DTNA: variants seen among roughly 807,000 people sequenced by gnomAD.
DTNA encodes dystrobrevin alpha, also known as dystrophin-related protein 3.
A neutral mutation model predicts 100.7 loss-of-function variants in DTNA; 43 were observed. The observed-to-expected ratio is 0.43, with a 90% CI of 0.33 to 0.55. The LOEUF (loss-of-function observed/expected upper bound fraction) is 0.55. Ranked by LOEUF, DTNA falls within the 20% of genes least tolerant of loss-of-function variation. The pLI, the probability that DTNA is intolerant of heterozygous loss-of-function variation, is 0.04. For synonymous variants in DTNA, 349 were observed against 347.9 expected (o/e 1.00, Z -0.04); for missense variants, 798 against 953.9 (o/e 0.84, Z 2.15).
chr18:34,766,521 T>C (rs940954756), intron 3 of DTNA, among the ~76,000 whole-genome samples: 1 of 151,502 alleles, frequency 6.6e-6, no homozygotes, highest in Non-Finnish European at 1.5e-5. Flanking sequence ...CGGGGCCTGT[T>C]GTGGTGTGGG....
At chr18:34,551,320 A>G (rs530701316) in intron 1 of DTNA, among the ~76,000 whole-genome samples, 2 of 152,200 alleles carry the variant, frequency 1.3e-5, no homozygotes, top group African/African-American at 2.4e-5. Context: ...CCTCCAAACT[A>G]TATCCCACAG....
chr18:34,836,195 G>A (rs1057416802), intron 11 of DTNA, among the ~76,000 whole-genome samples: 4 of 152,146 alleles, frequency 2.6e-5, no homozygotes, highest in African/African-American at 9.7e-5. Context: ...AACAGTTTTG[G>A]TGGTATAATG....
intron 1 of DTNA, among the ~76,000 whole-genome samples, chr18:34,730,429 G>A (rs558987540): frequency 1.3e-5 from 2 of 152,346 alleles, no homozygotes; most frequent in South Asian, 2.1e-4. Context: ...TCTCTGGTTA[G>A]TCTGGAGCTA....
At chr18:34,673,644 G>A (rs1160335466) in intron 1 of DTNA, among the ~76,000 whole-genome samples, 1 of 152,092 alleles carries the variant, frequency 6.6e-6, no homozygotes, top group Non-Finnish European at 1.5e-5. Context: ...TTGACAGGCA[G>A]GCCATCATAT....
chr18:34,607,307 A>G (rs1000013565), intron 1 of DTNA, among the ~76,000 whole-genome samples: 1 of 152,196 alleles, frequency 6.6e-6, no homozygotes, highest in Non-Finnish European at 1.5e-5. Context: ...TTTCACATAA[A>G]TTGATCACTC....
chr18:34,743,165 T>G (rs1322553533), intron 1 of DTNA, among the ~76,000 whole-genome samples: 1 of 152,192 alleles, frequency 6.6e-6, no homozygotes, highest in Non-Finnish European at 1.5e-5. Context: ...TTCTTCTCTT[T>G]CCATTCTGTA....
At chr18:34,498,805 C>T (rs1245435894) in intron 1 of DTNA, among the ~76,000 whole-genome samples, 1 of 152,142 alleles carries the variant, frequency 6.6e-6, no homozygotes, top group Admixed American at 6.5e-5. Flanking sequence ...TGCTATCACA[C>T]ATTGCTATAA....
At chr18:34,698,293 A>G (rs1304602914) in intron 1 of DTNA, among the ~76,000 whole-genome samples, 1 of 152,202 alleles carries the variant, frequency 6.6e-6, no homozygotes, top group African/African-American at 2.4e-5. Flanking sequence ...GGCTTCAAAC[A>G]ATAGAAATTT....
At chr18:34,761,732 GA>G (rs1276757355) in intron 2 of DTNA, among the ~76,000 whole-genome samples, 2 of 152,098 alleles carry the variant, frequency 1.3e-5, no homozygotes, top group African/African-American at 4.8e-5. Flanking sequence ...TTTTTATTAT[GA>G]AAAGTTTCAA....
At chr18:34,503,279 A>ATTTT (rs869258771) in intron 1 of DTNA, among the ~76,000 whole-genome samples, 3 of 62,042 alleles carry the variant, frequency 4.8e-5, no homozygotes, top group Admixed American at 2.5e-4. Context: ...TAATTGGCTC[A>ATTTT]TTTTTTTTTT....
chr18:34,672,380 A>G (rs2076876327), intron 1 of DTNA, among the ~76,000 whole-genome samples: 1 of 152,192 alleles, frequency 6.6e-6, no homozygotes, highest in Non-Finnish European at 1.5e-5. Context: ...AAGATACAAA[A>G]TGAGATAATC....
chr18:34,822,844 G>GTCT (rs57525293), intron 9 of DTNA, among the ~76,000 whole-genome samples: 40,928 of 151,874 alleles, frequency 0.27, 5,781 homozygotes, highest in African/African-American at 0.35. Context: ...TACAAAATGT[G>GTCT]TCTTCTGAGA....
At chr18:34,537,816 CA>C (rs1381629398) in intron 1 of DTNA, among the ~76,000 whole-genome samples, 1 of 151,358 alleles carries the variant, frequency 6.6e-6, no homozygotes, top group African/African-American at 2.4e-5. Flanking sequence ...AAGGAGGAGA[CA>C]GAGGTAGATT....
chr18:34,526,513 A>G (rs2042631801), intron 1 of DTNA, among the ~76,000 whole-genome samples: 1 of 152,142 alleles, frequency 6.6e-6, no homozygotes, highest in African/African-American at 2.4e-5. Context: ...AATACTGATA[A>G]CAGTTCCTAG....
intron 5 of DTNA, among the ~76,000 whole-genome samples, chr18:34,809,215 C>T (rs2095431700): frequency 6.6e-6 from 1 of 152,178 alleles, no homozygotes; most frequent in Non-Finnish European, 1.5e-5. Flanking sequence ...AATCTGCCCG[C>T]AGAGACCAGT....
chr18:34,694,329 G>A lies in DTNA; in HGVS notation c.-1-61647G>A, dbSNP rs75816349. Among the ~76,000 whole-genome samples, 687 of 152,238 alleles carry A rather than the reference G, an allele frequency of 4.5e-3. 6 individuals carry two copies. The highest frequency in any genetic ancestry group is 0.015 in the African/African-American group (638 of 41,534). Reference sequence around the variant, plus strand: ...CCATCAAAAACTAGAATTCTGATGGGTTTACAAAAGTTAGTAATAATGTGC... The same window carrying A: ...CCATCAAAAACTAGAATTCTGATGGATTTACAAAAGTTAGTAATAATGTGC... On this transcript the variant is annotated intron_variant, in intron 1 of 19. Transcript: ENST00000283365.
At chr18:34,665,957 C>A (rs1309134116) in intron 1 of DTNA, among the ~76,000 whole-genome samples, 1 of 152,142 alleles carries the variant, frequency 6.6e-6, no homozygotes, top group African/African-American at 2.4e-5. Context: ...ATGGCTGGGT[C>A]AAATGGTATT....
intron 1 of DTNA, chr18:34,755,762 TC>T (rs1393420283): frequency 1.9e-6 from 1 of 528,746 alleles, no homozygotes; most frequent in African/African-American, 1.9e-5. Flanking sequence ...AAAAATTTTA[TC>T]CCCCCTCCAA....
intron 15 of DTNA, among the ~76,000 whole-genome samples, chr18:34,852,221 C>A (rs566815397): frequency 6.6e-6 from 1 of 152,100 alleles, no homozygotes; most frequent in Non-Finnish European, 1.5e-5. Context: ...TAATTTTGTT[C>A]AAGAGCTTCT....
Sources: allele counts gnomAD v4.1 joint callset (sites outside exome capture counted in the v4.1 genomes callset), GRCh38; gene constraint gnomAD v4.1.1; transcripts MANE v1.5; gene names NCBI Gene and HGNC (gene_info 2026-07-23, HGNC 2026-07-21).